DENND2A: variants seen among roughly 807,000 people sequenced by gnomAD.
The protein encoded by DENND2A is DENN domain-containing protein 2A.
DENND2A carries 53 observed loss-of-function variants against 105.3 expected under a neutral mutation model. That is an observed-to-expected ratio of 0.50 (90% CI 0.40 to 0.63). The LOEUF is 0.63. DENND2A is among the 30% of genes least tolerant of loss of function. DENND2A has a pLI of 0.00. For synonymous variants in DENND2A, 522 were observed against 508.4 expected (o/e 1.03, Z -0.36); for missense variants, 1,138 against 1,279.6 (o/e 0.89, Z 1.69).
chr7:140,552,136 A>G (rs142836911), intron 12 of DENND2A, among the ~76,000 whole-genome samples: 1 of 152,198 alleles, frequency 6.6e-6, no homozygotes, highest in African/African-American at 2.4e-5. Flanking sequence ...CTTACTTCAC[A>G]TGTAAACAAA....
chr7:140,636,247 G>A (rs1057280760), intron 1 of DENND2A, among the ~76,000 whole-genome samples: 2 of 152,130 alleles, frequency 1.3e-5, no homozygotes, highest in African/African-American at 4.8e-5. Context: ...CCCGAAAGGC[G>A]CTGCACAATG....
intron 3 of DENND2A, among the ~76,000 whole-genome samples, chr7:140,593,038 T>C (rs1331276202): frequency 6.6e-6 from 1 of 152,068 alleles, no homozygotes; most frequent in Non-Finnish European, 1.5e-5. Context: ...AACCTAATTC[T>C]GTTCTCTACA....
intron 2 of DENND2A, among the ~76,000 whole-genome samples, chr7:140,602,830 T>G (rs940966910): frequency 6.6e-6 from 1 of 151,340 alleles, no homozygotes; most frequent in African/African-American, 2.4e-5. Context: ...TTTTAAAAAC[T>G]CAATTTGTGT....
intron 8 of DENND2A, among the ~76,000 whole-genome samples, chr7:140,567,679 C>A (rs987729236): frequency 6.6e-6 from 1 of 152,098 alleles, no homozygotes; most frequent in Admixed American, 6.6e-5. Flanking sequence ...CCATTTCCCT[C>A]GTCTTTTGGT....
intron 1 of DENND2A, among the ~76,000 whole-genome samples, chr7:140,616,341 G>A (rs991313269): frequency 5.3e-5 from 8 of 152,264 alleles, no homozygotes; most frequent in Admixed American, 1.3e-4. Context: ...CAGCCTGGGC[G>A]ACAGAGCGAG....
intron 1 of DENND2A, among the ~76,000 whole-genome samples, chr7:140,633,755 C>T (rs1800821154): frequency 6.6e-6 from 1 of 152,068 alleles, no homozygotes; most frequent in Non-Finnish European, 1.5e-5. Context: ...AAGAGACGAA[C>T]TTGGGACAAC....
chr7:140,584,957 G>C (rs1161026549), intron 5 of DENND2A, among the ~76,000 whole-genome samples: 1 of 152,160 alleles, frequency 6.6e-6, no homozygotes, highest in East Asian at 1.9e-4. Context: ...CCAGCACTTT[G>C]GGAGGCCAAG....
chr7:140,609,769 C>A (rs1343812517), intron 1 of DENND2A: 2 of 152,174 alleles, frequency 1.3e-5, no homozygotes, highest in African/African-American at 4.8e-5. Context: ...ACTGTAAAAT[C>A]TTTTCTTGGC....
chr7:140,574,103 G>C, intron 5 of DENND2A, 95 bp from the exon 6 acceptor site: 1 of 1,402,430 alleles, frequency 7.1e-7, no homozygotes, highest in Non-Finnish European at 1.0e-6. Flanking sequence ...ATGAAATTGA[G>C]AAGAGGAACT....
At position 140,577,429 on chromosome 7, in the gene DENND2A, G is replaced by A. The variant is rs28390113; in HGVS notation, c.1246-3421C>T. Among the ~76,000 whole-genome samples, 110 of 149,016 alleles carry A rather than the reference G, an allele frequency of 7.4e-4. 1 individual carries two copies. The highest frequency in any genetic ancestry group is 2.6e-3 in the African/African-American group (104 of 40,344). ...TTTTTTTTTTTTGAGATGGAGTCTC[G>A]CTCTGTTGCCCAGGCTGGAGTGCAG... is the stretch of plus-strand genomic sequence containing the variant. On this transcript the variant is annotated intron_variant, in intron 5 of 19. Coordinates refer to ENST00000496613, the MANE Select transcript of DENND2A (RefSeq NM_015689.5).
Position 140,601,901 on chromosome 7 carries a change from A to C in DENND2A, c.497T>G (p.Leu166Arg). ...PLSVLKQVKK[L>R]EQALKDGSAG... Reference sequence around the variant, plus strand: ...CGACCCATCCTTCAAAGCCTGCTCGAGTTTCTTGACCTGCTTCAGCACGGA... The same window carrying C: ...CGACCCATCCTTCAAAGCCTGCTCGCGTTTCTTGACCTGCTTCAGCACGGA... The change falls in exon 3 of 20, where the codon CTC becomes CGC. Residue 166 changes from leucine (L) to arginine (R), a missense_variant. Physicochemically the swap from Leu to Arg is moderately radical, Grantham distance 102 (BLOSUM62 -2). Around this residue, in one of 2 missense-constraint regions of DENND2A, gnomAD observed 511 missense variants for 499.9 expected, o/e 1.02. Transcript: ENST00000496613. 1 of 1,614,036 alleles carries C rather than the reference A, an allele frequency of 6.2e-7. No homozygotes were observed. Among genetic ancestry groups the C allele is most frequent in the Non-Finnish European group, 8.5e-7 (1 of 1,180,012 alleles).
At chr7:140,538,565 G>T (rs947655135) in intron 14 of DENND2A, among the ~76,000 whole-genome samples, 1 of 151,984 alleles carries the variant, frequency 6.6e-6, no homozygotes, top group Non-Finnish European at 1.5e-5. Flanking sequence ...GGAGTGTAGC[G>T]GTGTGATCTC....
chr7:140,534,774 C>A lies in DENND2A; in HGVS notation c.2328-7279G>T, dbSNP rs139599530. Among the ~76,000 whole-genome samples the A allele has an allele frequency of 1.1e-3, 165 of 152,286 alleles. 7 individuals are homozygous for A. The East Asian group carries it at 0.031, about 29-fold the overall frequency. On this transcript the variant is annotated intron_variant, in intron 14 of 19. Transcript: ENST00000496613. ...AAGACATAGAAAGAGAGTCCTCACTCGCAGCTGGCTTGCATTACAGTGGTG... is the reference window on the plus strand; with the variant it reads ...AAGACATAGAAAGAGAGTCCTCACTAGCAGCTGGCTTGCATTACAGTGGTG...
At chr7:140,607,968 G>T (rs1380825169) in intron 1 of DENND2A, among the ~76,000 whole-genome samples, 1 of 152,116 alleles carries the variant, frequency 6.6e-6, no homozygotes, top group Non-Finnish European at 1.5e-5. Flanking sequence ...CTGTGCCTGG[G>T]TCACAATCAA....
At chr7:140,617,598 C>A (rs1331266816) in intron 1 of DENND2A, among the ~76,000 whole-genome samples, 58 of 152,080 alleles carry the variant, frequency 3.8e-4, no homozygotes, top group Non-Finnish European at 1.6e-4. Flanking sequence ...CCTGTAATCC[C>A]AGCTACTCGG....
At chr7:140,541,350 C>T (rs1796649839) in intron 14 of DENND2A, among the ~76,000 whole-genome samples, 1 of 152,060 alleles carries the variant, frequency 6.6e-6, no homozygotes, top group African/African-American at 2.4e-5. Flanking sequence ...GACATCTTCT[C>T]AGGGTGGGTC....
intron 1 of DENND2A, among the ~76,000 whole-genome samples, chr7:140,611,349 T>C (rs1006797583): frequency 1.3e-5 from 2 of 151,968 alleles, no homozygotes; most frequent in African/African-American, 4.8e-5. Context: ...CTAGGCAACA[T>C]TGCAAGAACC....
intron 14 of DENND2A, among the ~76,000 whole-genome samples, chr7:140,542,525 G>A (rs1299481148): frequency 7.3e-5 from 11 of 150,550 alleles, no homozygotes; most frequent in African/African-American, 2.7e-4. Context: ...CTCTCTCTGG[G>A]CCAGCCCTAG....
chr7:140,621,617 C>A (rs897126369), intron 1 of DENND2A, among the ~76,000 whole-genome samples: 5 of 152,108 alleles, frequency 3.3e-5, no homozygotes, highest in Non-Finnish European at 5.9e-5. Context: ...GTTATAGTCA[C>A]GTAATTCATT....
Sources: allele counts gnomAD v4.1 joint callset (sites outside exome capture counted in the v4.1 genomes callset), GRCh38; gene constraint gnomAD v4.1.1; regional missense constraint gnomAD v4.1.1; transcripts MANE v1.5; gene names NCBI Gene and HGNC (gene_info 2026-07-23, HGNC 2026-07-21).